Variants in MIA2 observed in about 807,000 individuals in gnomAD.
The protein encoded by MIA2 is MIA SH3 domain ER export factor 2, also known as melanoma inhibitory activity protein 2.
MIA2 carries 127 observed loss-of-function variants against 167.8 expected under a neutral mutation model. The observed-to-expected ratio is 0.76, with a 90% CI of 0.66 to 0.88. The LOEUF is 0.88. Among genes scored for constraint, MIA2 ranks in the 40% least tolerant of loss-of-function variants. MIA2 has a pLI of 0.00. For synonymous variants in MIA2, 552 were observed against 541.9 expected, an observed-to-expected ratio of 1.02 and a Z score of -0.26; for missense variants, 1,690 against 1,624.7, an observed-to-expected ratio of 1.04 and a Z score of -0.69.
chr14:39,384,032 C>T (rs972394774), intron 23 of MIA2, among the ~76,000 whole-genome samples: 2 of 152,186 alleles, frequency 1.3e-5, no homozygotes, highest in Non-Finnish European at 2.9e-5. Flanking sequence ...CACTAAACAG[C>T]AGATTTTCAG....
In MIA2 at chr14:39,295,041, G is replaced by T. The variant is rs553397608; in HGVS notation, c.2496+12G>T. 6.5e-7 allele frequency: 1 copy of T among 1,537,000 alleles called. No homozygotes were observed. Among genetic ancestry groups the T allele is most frequent in the African/African-American group, 1.4e-5 (1 of 73,342 alleles). ...AAAGCCAGAAACAGGTTTGTGCTCCGTAGGGACTCTTCAACTTGTGAATAT... is the reference window on the plus strand; with the variant it reads ...AAAGCCAGAAACAGGTTTGTGCTCCTTAGGGACTCTTCAACTTGTGAATAT... On this transcript the variant is annotated intron_variant, in intron 13 of 28. Coordinates refer to ENST00000640607, the MANE Select transcript of MIA2 (RefSeq NM_001329214.4).
intron 23 of MIA2, among the ~76,000 whole-genome samples, chr14:39,360,380 A>G (rs937282095): frequency 6.6e-6 from 1 of 151,360 alleles, no homozygotes; most frequent in African/African-American, 2.4e-5. Flanking sequence ...GAGGTTGGAC[A>G]TTGTTTCATA....
At chr14:39,353,256 A>G (rs2074438124), downstream of MIA2, among the ~76,000 whole-genome samples, 1 of 151,838 alleles carries the variant, frequency 6.6e-6, no homozygotes, top group Non-Finnish European at 1.5e-5. Flanking sequence ...ACTAAGTATC[A>G]TCACTATCAA....
Position 39,302,266 on chromosome 14 carries a change from C to T in MIA2, c.2740+17C>T, listed in dbSNP as rs749509246. On this transcript the variant is annotated intron_variant, in intron 15 of 28. Coordinates refer to ENST00000640607, the MANE Select transcript of MIA2 (RefSeq NM_001329214.4). ...CTTACTTAGGTATTAAGTCATGACT[C>T]ATCTCCTTTTGCTAAAATGGTGACT... The T allele has an allele frequency of 1.9e-6, 3 of 1,610,942 alleles. No homozygotes were observed. Among genetic ancestry groups the T allele is most frequent in the South Asian group, 2.2e-5 (2 of 90,770 alleles).
chr14:39,284,531 TC>T (rs2059355501), intron 9 of MIA2, among the ~76,000 whole-genome samples: 1 of 152,266 alleles, frequency 6.6e-6, no homozygotes, highest in East Asian at 1.9e-4. Context: ...CTATTTGGGA[TC>T]TTTTGCTATT....
intron 4 of MIA2, among the ~76,000 whole-genome samples, chr14:39,252,241 T>C (rs1044530917): frequency 6.6e-6 from 1 of 152,136 alleles, no homozygotes; most frequent in African/African-American, 2.4e-5. Flanking sequence ...CTTGCAGATG[T>C]GATTAGGGAT....
chr14:39,385,018 T>C (rs1232636100), intron 23 of MIA2, among the ~76,000 whole-genome samples: 1 of 152,218 alleles, frequency 6.6e-6, no homozygotes, highest in Non-Finnish European at 1.5e-5. Context: ...GTAACATGCT[T>C]TAATATTTCT....
chr14:39,311,905 C>T (rs1201315871), intron 18 of MIA2, among the ~76,000 whole-genome samples: 2 of 151,532 alleles, frequency 1.3e-5, no homozygotes, highest in Non-Finnish European at 2.9e-5. Context: ...TCTCGGCTCA[C>T]TGCAACCTCT....
chr14:39,302,602 G>A (rs1190593977), intron 15 of MIA2, among the ~76,000 whole-genome samples: 2 of 152,128 alleles, frequency 1.3e-5, no homozygotes, highest in Non-Finnish European at 2.9e-5. Flanking sequence ...CTAGTTTGAA[G>A]AACAAGTGTT....
At chr14:39,251,048 A>T (rs1200984213) in intron 4 of MIA2, among the ~76,000 whole-genome samples, 1 of 152,202 alleles carries the variant, frequency 6.6e-6, no homozygotes, top group Non-Finnish European at 1.5e-5. Context: ...TTAGAGAAAG[A>T]GTTAAACAGC....
At chr14:39,363,168 C>T (rs73279364) in intron 23 of MIA2, among the ~76,000 whole-genome samples, 1 of 152,162 alleles carries the variant, frequency 6.6e-6, no homozygotes, top group Non-Finnish European at 1.5e-5. Flanking sequence ...AATGTATATT[C>T]TACAGCTGTC....
intron 23 of MIA2, among the ~76,000 whole-genome samples, chr14:39,384,248 G>T (rs1595971530): frequency 6.6e-6 from 1 of 152,238 alleles, no homozygotes; most frequent in East Asian, 1.9e-4. Flanking sequence ...TGCTCTGCCT[G>T]TGCTCCATAA....
chr14:39,296,061 G>T (rs2061378928), intron 13 of MIA2, among the ~76,000 whole-genome samples: 1 of 151,486 alleles, frequency 6.6e-6, no homozygotes, highest in Non-Finnish European at 1.5e-5. Flanking sequence ...GCCTCCCTTG[G>T]TTTCATAAGA....
chr14:39,330,339 T>A (rs1254512013), intron 25 of MIA2, among the ~76,000 whole-genome samples: 1 of 152,182 alleles, frequency 6.6e-6, no homozygotes, highest in Non-Finnish European at 1.5e-5. Context: ...TTTCCTTGCA[T>A]CTATTTGATT....
intron 14 of MIA2, 127 bp from the exon 15 acceptor site, chr14:39,302,002 A>C: frequency 9.4e-7 from 1 of 1,061,814 alleles, no homozygotes; most frequent in Non-Finnish European, 1.3e-6. Flanking sequence ...AAGAGGTGGA[A>C]AATAAGAGCT....
intron 23 of MIA2, among the ~76,000 whole-genome samples, chr14:39,367,092 GTAGCTT>G (rs956900119): frequency 6.6e-5 from 10 of 152,288 alleles, no homozygotes; most frequent in African/African-American, 2.2e-4. Flanking sequence ...ATCAATGGCA[GTAGCTT>G]TAGGCAGGCA....
At chr14:39,355,123 A>G (rs1265573088), downstream of MIA2, among the ~76,000 whole-genome samples, 4 of 151,004 alleles carry the variant, frequency 2.6e-5, no homozygotes, top group Non-Finnish European at 4.4e-5. Flanking sequence ...TGGGGATGGC[A>G]TTGAATCTAT....
At chr14:39,290,056 G>C (rs1159034601) in intron 9 of MIA2, among the ~76,000 whole-genome samples, 2 of 152,110 alleles carry the variant, frequency 1.3e-5, no homozygotes, top group Non-Finnish European at 2.9e-5. Flanking sequence ...TATCACACCT[G>C]GACATTCTGG....
intron 13 of MIA2, among the ~76,000 whole-genome samples, chr14:39,296,253 C>G (rs2061405554): frequency 6.6e-6 from 1 of 152,038 alleles, no homozygotes; most frequent in East Asian, 1.9e-4. Flanking sequence ...TTTTTTAGAA[C>G]TTACATGCCT....
Sources: allele counts gnomAD v4.1 joint callset (sites outside exome capture counted in the v4.1 genomes callset), GRCh38; gene constraint gnomAD v4.1.1; transcripts MANE v1.5; gene names NCBI Gene and HGNC (gene_info 2026-07-23, HGNC 2026-07-21).